The following MTA3 variants were observed in gnomAD, a reference collection of about 807,000 sequenced individuals.
The protein encoded by MTA3 is metastasis associated 1 family member 3.
A neutral mutation model predicts 83.5 loss-of-function variants in MTA3; 34 were observed. That is an observed-to-expected ratio of 0.41 (90% CI 0.31 to 0.54). The LOEUF is 0.54. Among genes scored for constraint, MTA3 ranks in the 20% least tolerant of loss-of-function variants. The pLI is 0.33. For missense variants in MTA3, 761 were observed against 726.4 expected, an observed-to-expected ratio of 1.05 and a Z score of -0.55; for synonymous variants, 303 against 252.7, an observed-to-expected ratio of 1.20 and a Z score of -1.89.
chr2:42,607,987 A>G (rs1196207044), intron 3 of MTA3, among the ~76,000 whole-genome samples: 2 of 152,238 alleles, frequency 1.3e-5, no homozygotes, highest in Non-Finnish European at 2.9e-5. Context: ...GAAATTTGAA[A>G]TTTAACTGGT....
At chr2:42,675,197 G>C (rs894811547) in intron 8 of MTA3, among the ~76,000 whole-genome samples, 1 of 151,606 alleles carries the variant, frequency 6.6e-6, no homozygotes, top group African/African-American at 2.4e-5. Flanking sequence ...GTGCAATGGT[G>C]ACGTCTCTGC....
chr2:42,577,466 T>C (rs1333576497), intron 2 of MTA3, among the ~76,000 whole-genome samples: 1 of 151,912 alleles, frequency 6.6e-6, no homozygotes, highest in Non-Finnish European at 1.5e-5. Flanking sequence ...AAATATGCCT[T>C]GAAACTGTTG....
intron 3 of MTA3, among the ~76,000 whole-genome samples, chr2:42,583,127 G>A (rs1679861223): frequency 1.3e-5 from 2 of 152,158 alleles, no homozygotes; most frequent in Admixed American, 6.6e-5. Flanking sequence ...ATGACATAAG[G>A]AACAACTCAT....
intron 16 of MTA3, among the ~76,000 whole-genome samples, chr2:42,737,763 A>G (rs796712362): frequency 1.1e-4 from 16 of 152,378 alleles, no homozygotes; most frequent in African/African-American, 3.6e-4. Flanking sequence ...CCAAAGTCGC[A>G]TTGCTAGAAA....
intron 2 of MTA3, among the ~76,000 whole-genome samples, chr2:42,552,068 G>A (rs895783876): frequency 5.3e-5 from 8 of 151,926 alleles, no homozygotes; most frequent in Non-Finnish European, 1.2e-4. Flanking sequence ...ATATTGCCCA[G>A]GCTGGTATCA....
rs1296625065 is a variant in MTA3, at chr2:42,695,788, C to T, written c.915C>T (p.Ser305=). 1.3e-6 allele frequency: 2 copies of T among 1,573,774 alleles called. No homozygotes were observed. Among genetic ancestry groups the T allele is most frequent in the South Asian group, 2.4e-5 (2 of 84,164 alleles). The change falls in exon 10 of 17, where the codon AGC becomes AGT. Residue 305 remains serine, a synonymous_variant. Transcript: ENST00000405094. ...QDFLPWKSLT[S]IIEYYYMWKT... ...AGCTTCCTTGGAAATCATTGACTAGCATCATTGAATATTATTACATGTGGA... is the reference window on the plus strand; with the variant it reads ...AGCTTCCTTGGAAATCATTGACTAGTATCATTGAATATTATTACATGTGGA...
intron 4 of MTA3, among the ~76,000 whole-genome samples, chr2:42,630,947 A>G (rs186409723): frequency 1.1e-3 from 170 of 152,340 alleles, no homozygotes; most frequent in Admixed American, 3.7e-3. Flanking sequence ...AAAAATAAAT[A>G]GTAGTGCTAA....
intron 2 of MTA3, among the ~76,000 whole-genome samples, chr2:42,501,099 C>T (rs557171622): frequency 3.3e-5 from 5 of 152,222 alleles, no homozygotes; most frequent in South Asian, 2.1e-4. Context: ...CATGAGCCAC[C>T]GCGCGTGACC....
chr2:42,752,332 G>A (rs1166056078), intron 16 of MTA3: 1 of 468,892 alleles, frequency 2.1e-6, no homozygotes, highest in African/African-American at 2.0e-5. Context: ...GTCCTTTCCT[G>A]GCAGCAGGGT....
chr2:42,733,208 C>T (rs754413561), intron 16 of MTA3, among the ~76,000 whole-genome samples: 1 of 152,168 alleles, frequency 6.6e-6, no homozygotes, highest in Admixed American at 6.5e-5. Context: ...TTTAATTGGA[C>T]TTACAGTTCC....
At position 42,592,625 on chromosome 2, in the gene MTA3, A is replaced by G. The variant is rs138168444; in HGVS notation, c.190+13425A>G. On this transcript the variant is annotated intron_variant, in intron 3 of 16. Coordinates refer to ENST00000405094, the MANE Select transcript of MTA3 (RefSeq NM_001330442.2). ...ACTTTTTAAACTTTTTTTATTAACAATGAAAACATAAACATATATATTAGC... is the reference window on the plus strand; with the variant it reads ...ACTTTTTAAACTTTTTTTATTAACAGTGAAAACATAAACATATATATTAGC... 4.7e-3 allele frequency among the ~76,000 whole-genome samples: 708 copies of G among 152,256 alleles called. 1 individual carries two copies. Among genetic ancestry groups the G allele is most frequent in the Admixed American group, 6.1e-3 (93 of 15,292 alleles).
intron 8 of MTA3, among the ~76,000 whole-genome samples, 196 bp from the exon 9 acceptor site, chr2:42,682,205 A>T (rs1325821205): frequency 6.6e-6 from 1 of 152,184 alleles, no homozygotes. Flanking sequence ...CCCCCAAATA[A>T]GGGTACAAGT....
intron 4 of MTA3, among the ~76,000 whole-genome samples, chr2:42,635,527 C>T (rs1275247810): frequency 6.6e-6 from 1 of 151,934 alleles, no homozygotes; most frequent in Admixed American, 6.6e-5. Context: ...AGTTGAGAGG[C>T]TGAGTCAGCA....
rs199751717 is a variant in MTA3 at position 42,572,204 on chromosome 2, G to T, written c.96+1700G>T. 3.3e-5 allele frequency among the ~76,000 whole-genome samples: 5 copies of T among 152,064 alleles called. No individual in the cohort carries two copies. In the East Asian group the frequency reaches 5.8e-4, roughly 18 times the overall value. The stretch of plus-strand genomic sequence containing the variant: ...TGGGGCAGGAGAATGGGGTGAACCT[G>T]GGGGGTGGAGCTTGCAGTGAGCCGA... On this transcript the variant is annotated intron_variant, in intron 2 of 16. Coordinates refer to ENST00000405094, the MANE Select transcript of MTA3 (RefSeq NM_001330442.2).
At chr2:42,575,274 T>C (rs1373575571) in intron 2 of MTA3, among the ~76,000 whole-genome samples, 1 of 152,192 alleles carries the variant, frequency 6.6e-6, no homozygotes, top group African/African-American at 2.4e-5. Context: ...CAAATATACT[T>C]ACTGTGTTTA....
At chr2:42,607,186 G>T (rs1171321598) in intron 3 of MTA3, among the ~76,000 whole-genome samples, 1 of 151,920 alleles carries the variant, frequency 6.6e-6, no homozygotes, top group East Asian at 1.9e-4. Flanking sequence ...AAAATAGGGT[G>T]GATACAAAGA....
chr2:42,620,493 G>C (rs1685414145), intron 4 of MTA3, among the ~76,000 whole-genome samples: 3 of 152,022 alleles, frequency 2.0e-5, no homozygotes, highest in Admixed American at 1.3e-4. Flanking sequence ...ATGTGTGATG[G>C]TTTTCTTTTC....
intron 16 of MTA3, chr2:42,752,094 A>T: frequency 2.3e-6 from 1 of 439,722 alleles, no homozygotes; most frequent in Non-Finnish European, 4.7e-6. Context: ...TAAATAAGGT[A>T]GTTACATAAC....
intron 5 of MTA3, among the ~76,000 whole-genome samples, chr2:42,641,870 A>G (rs1687727168): frequency 6.6e-6 from 1 of 152,058 alleles, no homozygotes; most frequent in South Asian, 2.1e-4. Context: ...TTGTCTTAAA[A>G]AAAAAAAATA....
Sources: allele counts gnomAD v4.1 joint callset (sites outside exome capture counted in the v4.1 genomes callset), GRCh38; gene constraint gnomAD v4.1.1; transcripts MANE v1.5; gene names NCBI Gene and HGNC (gene_info 2026-07-23, HGNC 2026-07-21).